Variants in NKIRAS1 observed in about 807,000 individuals in gnomAD.
NKIRAS1 encodes NFKB inhibitor interacting Ras like 1.
A neutral mutation model predicts 19.8 loss-of-function variants in NKIRAS1; 16 were observed. The ratio of observed to expected loss-of-function variants is 0.81; its 90% CI spans 0.55 to 1.23. The LOEUF (loss-of-function observed/expected upper bound fraction) is 1.23. Among genes scored for constraint, NKIRAS1 ranks in the 50% most tolerant of loss-of-function variants. NKIRAS1 has a pLI of 0.00. For synonymous variants in NKIRAS1, 88 were observed against 79.0 expected (o/e 1.11, Z -0.61); for missense variants, 184 against 220.0 (o/e 0.84, Z 1.04).
intron 4 of NKIRAS1, 101 bp downstream of exon 4, chr3:23,900,707 G>T: frequency 3.7e-6 from 3 of 808,774 alleles, no homozygotes; most frequent in South Asian, 1.8e-5. Context: ...CAGATACTAA[G>T]AATATACTGT....
rs1195628418 is a variant in NKIRAS1, at chr3:23,922,995, G to C, written c.-139-11545C>G. On this transcript the variant is annotated intron_variant, in intron 1 of 4. Transcript: ENST00000421515. The surrounding 1 kb of genome is among the most constrained non-coding windows in gnomAD (Gnocchi z 4.2). Reference sequence around the variant, plus strand: ...ATTTTTGTATTTTTTGTAGAGACAGGGTTTCACCATGTTGTTCAGGCTGGT... The same window carrying C: ...ATTTTTGTATTTTTTGTAGAGACAGCGTTTCACCATGTTGTTCAGGCTGGT... 1 of 151,956 alleles carries C rather than the reference G, an allele frequency of 6.6e-6. No individual in the cohort carries two copies. The highest frequency in any genetic ancestry group is 1.9e-4 in the East Asian group (1 of 5,168). 9.4% of individuals were successfully genotyped at this position (151,956 alleles called of 1,614,324 possible).
intron 4 of NKIRAS1, among the ~76,000 whole-genome samples, chr3:23,895,280 G>A (rs1423376873): frequency 1.3e-5 from 2 of 152,130 alleles, no homozygotes; most frequent in African/African-American, 4.8e-5. Context: ...GCAAAGTGCT[G>A]GGATTACAGG....
At chr3:23,934,880 A>G (rs1054260234) in intron 1 of NKIRAS1, among the ~76,000 whole-genome samples, 1 of 152,102 alleles carries the variant, frequency 6.6e-6, no homozygotes, top group Non-Finnish European at 1.5e-5. Flanking sequence ...TTATCTCTGA[A>G]TTTTTTTAAT....
chr3:23,946,162 G>T, intron 1 of NKIRAS1: 1 of 985,100 alleles, frequency 1.0e-6, no homozygotes, highest in African/African-American at 1.7e-5. Context: ...AGGAGGCCGC[G>T]CGTGCGCGCC....
At position 23,898,123 on chromosome 3, in the gene NKIRAS1, A is replaced by G. The variant is rs978051173; in HGVS notation, c.336+2685T>C. The stretch of plus-strand genomic sequence containing the variant: ...GAGAGGGGTCTCTGGAGGATACCCA[A>G]GTAAATAATTACAGCATTTGCCTGT... On this transcript the variant is annotated intron_variant, in intron 4 of 4. Transcript: ENST00000425478. 2.0e-5 allele frequency among the ~76,000 whole-genome samples: 3 copies of G among 152,302 alleles called. No individual in the cohort carries two copies. The South Asian group carries it at 6.2e-4, about 32-fold the overall frequency.
At chr3:23,909,549 A>G (rs1308436693) in intron 3 of NKIRAS1, among the ~76,000 whole-genome samples, 1 of 152,138 alleles carries the variant, frequency 6.6e-6, no homozygotes, top group Non-Finnish European at 1.5e-5. Flanking sequence ...ATGTGCTTTA[A>G]GTTACTTGCC....
At chr3:23,942,490 G>A (rs1318543637) in intron 1 of NKIRAS1, among the ~76,000 whole-genome samples, 5 of 152,166 alleles carry the variant, frequency 3.3e-5, no homozygotes, top group Non-Finnish European at 7.4e-5. Context: ...GGAGTGCAAC[G>A]GCACGATCTC....
intron 1 of NKIRAS1, among the ~76,000 whole-genome samples, chr3:23,944,836 G>A (rs1015985223): frequency 3.3e-5 from 5 of 151,636 alleles, no homozygotes; most frequent in Admixed American, 3.3e-4. Flanking sequence ...GGGTGGGAGC[G>A]GGGGGTGGGG....
chr3:23,913,503 C>G (rs184876308), intron 1 of NKIRAS1, among the ~76,000 whole-genome samples: 47 of 152,190 alleles, frequency 3.1e-4, no homozygotes, highest in African/African-American at 1.0e-3. Flanking sequence ...CCATCAATTA[C>G]AAAGTTAAGA....
At chr3:23,908,051 C>T (rs1380334823) in intron 3 of NKIRAS1, among the ~76,000 whole-genome samples, 1 of 152,150 alleles carries the variant, frequency 6.6e-6, no homozygotes, top group Non-Finnish European at 1.5e-5. Context: ...TTTGAGCTTT[C>T]AGGCAAAAAT....
intron 3 of NKIRAS1, among the ~76,000 whole-genome samples, chr3:23,906,477 T>C (rs1487692857): frequency 6.6e-6 from 1 of 152,180 alleles, no homozygotes; most frequent in East Asian, 1.9e-4. Context: ...AGATTTGAAC[T>C]TCACATGTCT....
At chr3:23,937,191 C>G (rs113273472) in intron 1 of NKIRAS1, among the ~76,000 whole-genome samples, 2 of 19,964 alleles carry the variant, frequency 1.0e-4, no homozygotes, top group African/African-American at 1.6e-4. Flanking sequence ...CCAGCCTGGC[C>G]AATGTGGCGA....
upstream of NKIRAS1, chr3:23,918,286 A>G: frequency 3.1e-6 from 3 of 980,280 alleles, no homozygotes; most frequent in East Asian, 5.3e-5. Flanking sequence ...CCTAAGGTGC[A>G]TTGAAAAAGA....
chr3:23,917,837 T>G, upstream of NKIRAS1: 1 of 1,605,240 alleles, frequency 6.2e-7, no homozygotes, highest in South Asian at 1.1e-5. Context: ...TAATACACAG[T>G]TTGATTTCAC....
upstream of NKIRAS1, among the ~76,000 whole-genome samples, chr3:23,921,263 T>A (rs182710095): frequency 8.3e-3 from 1,262 of 152,278 alleles, 20 homozygotes; most frequent in African/African-American, 0.029. Flanking sequence ...CACACAGTAG[T>A]CCAAGGGATC....
chr3:23,892,445 AG>A lies in NKIRAS1; in HGVS notation c.*649del, dbSNP rs1377636557. 1 of 152,212 alleles carries A rather than the reference AG, an allele frequency of 6.6e-6. No homozygotes were observed. Among genetic ancestry groups the A allele is most frequent in the Non-Finnish European group, 1.5e-5 (1 of 68,036 alleles). 9.4% of individuals were successfully genotyped at this position (152,212 alleles called of 1,614,324 possible). ...GCCCTCAAGTATCTGGTCTATCAACAGGGGTCTGGCTAAGGAAAAAACGGCC... is the reference window on the plus strand; with the variant it reads ...GCCCTCAAGTATCTGGTCTATCAACAGGGTCTGGCTAAGGAAAAAACGGCC... On this transcript the variant is annotated 3_prime_UTR_variant, in exon 5 of 5. Coordinates refer to ENST00000425478, the MANE Select transcript of NKIRAS1 (RefSeq NM_020345.4).
At position 23,932,638 on chromosome 3, in the gene NKIRAS1, A is replaced by G. The variant is rs919018981; in HGVS notation, c.-140+13685T>C. On this transcript the variant is annotated intron_variant, in intron 1 of 4. Coordinates refer to the NKIRAS1 transcript ENST00000421515. ...AGGAGGTGGAGGTTGTGGTGAGCCG[A>G]GATGGCGCCATTGCACTACAGCCTG... Among the ~76,000 whole-genome samples the G allele has an allele frequency of 2.0e-5, 3 of 149,956 alleles. No homozygotes were observed. In the Admixed American group the frequency reaches 2.0e-4, roughly 10 times the overall value.
intron 1 of NKIRAS1, chr3:23,946,019 G>C (rs899944294): frequency 1.3e-6 from 1 of 797,570 alleles, no homozygotes; most frequent in Non-Finnish European, 1.5e-6. Flanking sequence ...GCAGGGACAC[G>C]TGGGGGCGGG....
intron 1 of NKIRAS1, among the ~76,000 whole-genome samples, chr3:23,931,554 C>G (rs1440065937): frequency 1.3e-5 from 2 of 152,192 alleles, no homozygotes; most frequent in African/African-American, 4.8e-5. Flanking sequence ...TCCTTAGCAT[C>G]ACCATCTGAC....
Sources: allele counts gnomAD v4.1 joint callset (sites outside exome capture counted in the v4.1 genomes callset), GRCh38; gene constraint gnomAD v4.1.1; non-coding constraint Gnocchi (gnomAD v3.1); transcripts MANE v1.5; gene names NCBI Gene and HGNC (gene_info 2026-07-23, HGNC 2026-07-21).